The following FHIP1A variants were observed in gnomAD, a reference collection of about 807,000 sequenced individuals.
The protein encoded by FHIP1A is FHF complex subunit HOOK interacting protein 1A, also known as FHF complex subunit HOOK-interacting protein 1A.
Under a neutral mutation model 88.6 loss-of-function variants are expected in FHIP1A, and 61 were observed. The ratio of observed to expected loss-of-function variants is 0.69; its 90% CI spans 0.56 to 0.85. FHIP1A has a LOEUF of 0.85. Among genes scored for constraint, FHIP1A ranks in the 40% least tolerant of loss-of-function variants. The pLI, the probability that FHIP1A is intolerant of heterozygous loss-of-function variation, is 0.00. For synonymous variants in FHIP1A, 478 were observed against 496.0 expected, an observed-to-expected ratio of 0.96 and a Z score of 0.48; for missense variants, 1,154 against 1,273.5, an observed-to-expected ratio of 0.91 and a Z score of 1.43.
intron 4 of FHIP1A, among the ~76,000 whole-genome samples, chr4:151,568,151 C>T (rs1386070179): frequency 6.6e-6 from 1 of 152,098 alleles, no homozygotes; most frequent in Non-Finnish European, 1.5e-5. Context: ...ACTATTGGTC[C>T]CAGAATCATA....
intron 10 of FHIP1A, among the ~76,000 whole-genome samples, chr4:151,648,260 A>G (rs1385603249): frequency 6.6e-6 from 1 of 152,184 alleles, no homozygotes; most frequent in African/African-American, 2.4e-5. Flanking sequence ...ACCTACTTCA[A>G]AGGGCTATTC....
intron 3 of FHIP1A, among the ~76,000 whole-genome samples, chr4:151,549,038 G>T (rs1732618607): frequency 6.6e-6 from 1 of 152,132 alleles, no homozygotes; most frequent in African/African-American, 2.4e-5. Flanking sequence ...GCTGGGGTTG[G>T]ACTGCACAGT....
At chr4:151,478,194 A>G (rs1159584350) in intron 2 of FHIP1A, among the ~76,000 whole-genome samples, 2 of 152,168 alleles carry the variant, frequency 1.3e-5, no homozygotes, top group East Asian at 1.9e-4. Context: ...ACACCAGTGA[A>G]TTCTCTTTAG....
intron 7 of FHIP1A, among the ~76,000 whole-genome samples, chr4:151,615,454 A>G (rs780930311): frequency 6.6e-6 from 1 of 152,236 alleles, no homozygotes; most frequent in South Asian, 2.1e-4. Flanking sequence ...ATCTAATACA[A>G]TATTTGGCAC....
chr4:151,450,115 G>C (rs1378343873), intron 1 of FHIP1A, among the ~76,000 whole-genome samples: 1 of 152,124 alleles, frequency 6.6e-6, no homozygotes, highest in Non-Finnish European at 1.5e-5. Context: ...GTTTAAGTTT[G>C]TTGACTGGTG....
At chr4:151,430,268 T>A (rs1414264215) in intron 1 of FHIP1A, among the ~76,000 whole-genome samples, 2 of 152,230 alleles carry the variant, frequency 1.3e-5, no homozygotes, top group Non-Finnish European at 1.5e-5. Context: ...TTGCAGAATT[T>A]GTTTTTTACT....
At chr4:151,513,071 A>C (rs1294678926) in intron 3 of FHIP1A, among the ~76,000 whole-genome samples, 1 of 152,208 alleles carries the variant, frequency 6.6e-6, no homozygotes, top group Non-Finnish European at 1.5e-5. Flanking sequence ...GGTTACCCTC[A>C]AAGGGAAGCC....
chr4:151,570,141 G>T (rs1252004015), intron 4 of FHIP1A, among the ~76,000 whole-genome samples: 1 of 152,094 alleles, frequency 6.6e-6, no homozygotes, highest in Non-Finnish European at 1.5e-5. Context: ...AATTTGTTAC[G>T]TCCTGGCTTC....
chr4:151,419,747 G>C (rs1207875573), intron 1 of FHIP1A, among the ~76,000 whole-genome samples: 1 of 15,216 alleles, frequency 6.6e-5, no homozygotes, highest in Non-Finnish European at 1.5e-4. Flanking sequence ...CCCCTCCCCC[G>C]ACCCCACCAC....
intron 7 of FHIP1A, among the ~76,000 whole-genome samples, chr4:151,607,656 G>C (rs1735124322): frequency 6.6e-6 from 1 of 152,148 alleles, no homozygotes; most frequent in Non-Finnish European, 1.5e-5. Flanking sequence ...CTAGTTCTTT[G>C]CTACTTTATG....
intron 3 of FHIP1A, among the ~76,000 whole-genome samples, chr4:151,529,333 C>T (rs936845966): frequency 7.2e-5 from 11 of 152,092 alleles, no homozygotes; most frequent in African/African-American, 1.4e-4. Flanking sequence ...TCTGGGAGTC[C>T]GCCGTTATTG....
intron 2 of FHIP1A, among the ~76,000 whole-genome samples, chr4:151,458,211 C>T (rs1274590123): frequency 6.6e-6 from 1 of 152,150 alleles, no homozygotes; most frequent in East Asian, 1.9e-4. Flanking sequence ...ATCATGAGCT[C>T]TGTGATGTGT....
chr4:151,656,685 C>A lies in FHIP1A; in HGVS notation c.2731-75C>A. 2.1e-5 allele frequency: 30 copies of A among 1,447,894 alleles called. No individual in the cohort carries two copies. The highest frequency in any genetic ancestry group is 2.8e-5 in the Non-Finnish European group (30 of 1,071,086). The allele number at this position is 1,447,894 out of a possible 1,614,324, so 89.7% of individuals were successfully genotyped here. ...AATAGTTCCCATAATGAGGGTGCTA[C>A]CTGCAAGATATATTGATAACTGGGA... On this transcript the variant is annotated intron_variant, in intron 12 of 13. Coordinates refer to ENST00000435205, the MANE Select transcript of FHIP1A (RefSeq NM_001109977.3). This position sits in a 1 kb window ranked among gnomAD's most constrained non-coding sequence, Gnocchi z 4.2.
chr4:151,508,036 G>C (rs1455795963), intron 3 of FHIP1A, among the ~76,000 whole-genome samples: 5 of 152,216 alleles, frequency 3.3e-5, no homozygotes, highest in African/African-American at 1.2e-4. Flanking sequence ...GTAAAGACTG[G>C]AGGAAGTGGT....
chr4:151,508,486 G>T (rs1268615308), intron 3 of FHIP1A, among the ~76,000 whole-genome samples: 1 of 152,148 alleles, frequency 6.6e-6, no homozygotes, highest in Non-Finnish European at 1.5e-5. Context: ...GGCTGTAGGT[G>T]GTCCAGGGCT....
intron 1 of FHIP1A, among the ~76,000 whole-genome samples, chr4:151,441,965 G>A (rs996368420): frequency 6.6e-6 from 1 of 152,042 alleles, no homozygotes; most frequent in Non-Finnish European, 1.5e-5. Context: ...CATATTGTAA[G>A]GCAAGTTAAC....
intron 1 of FHIP1A, among the ~76,000 whole-genome samples, chr4:151,450,312 T>C (rs778064515): frequency 3.3e-5 from 5 of 152,206 alleles, no homozygotes; most frequent in Non-Finnish European, 7.4e-5. Context: ...AATAAGATCA[T>C]ACTGTAAAGC....
At chr4:151,555,307 A>G (rs1174489958) in intron 3 of FHIP1A, among the ~76,000 whole-genome samples, 1 of 152,204 alleles carries the variant, frequency 6.6e-6, no homozygotes, top group African/African-American at 2.4e-5. Context: ...TTGGGTAAGA[A>G]CATTTTAGAG....
chr4:151,490,705 G>A, intron 3 of FHIP1A, among the ~76,000 whole-genome samples: 1 of 151,082 alleles, frequency 6.6e-6, no homozygotes, highest in Admixed American at 6.6e-5. Flanking sequence ...TACTCAAGGA[G>A]GCACCAGAGA....
Sources: gnomAD v4.1 joint callset for allele counts (sites outside exome capture counted in the v4.1 genomes callset) on GRCh38, gnomAD v4.1.1 for gene constraint, Gnocchi (gnomAD v3.1) non-coding constraint, MANE v1.5 for transcripts, NCBI Gene and HGNC (gene_info 2026-07-23, HGNC 2026-07-21) for gene names.